The following ZNF185 variants were observed in gnomAD, a reference collection of about 807,000 sequenced individuals.
The protein encoded by ZNF185 is zinc finger protein 185 with LIM domain.
ZNF185 carries 56 observed loss-of-function variants against 58.6 expected under a neutral mutation model. The ratio of observed to expected loss-of-function variants is 0.95; its 90% CI spans 0.77 to 1.19. ZNF185 has a LOEUF of 1.19. ZNF185 is among the 50% of genes most tolerant of loss of function. ZNF185 has a pLI of 0.00. For missense variants in ZNF185, 627 were observed against 573.5 expected, an observed-to-expected ratio of 1.09 and a Z score of -0.95; for synonymous variants, 230 against 215.9, an observed-to-expected ratio of 1.07 and a Z score of -0.57.
intron 15 of ZNF185, among the ~76,000 whole-genome samples, chrX:152,940,441 G>GGGGGTGGGGTTC (rs1241324958): frequency 1.1e-5 from 1 of 87,020 alleles, no homozygotes; most frequent in Admixed American, 1.3e-4. Context: ...GGGTGGGGGT[G>GGGGGTGGGGTTC]GGGTTCCAGG....
chrX:152,942,194 C>T (rs1208994695), intron 15 of ZNF185, among the ~76,000 whole-genome samples: 7 of 112,362 alleles, frequency 6.2e-5, no homozygotes, highest in Non-Finnish European at 5.6e-5. Flanking sequence ...TGGAGCCTTA[C>T]TTTCCCTAGG....
chrX:152,938,724 CCTCACAGTCT>C (rs1376067962), intron 15 of ZNF185, among the ~76,000 whole-genome samples: 1 of 110,746 alleles, frequency 9.0e-6, no homozygotes, highest in Non-Finnish European at 1.9e-5. Flanking sequence ...ATACGGTTCT[CCTCACAGTCT>C]CTCAAAGGTT....
chrX:152,954,362 G>C (rs2048603308), intron 16 of ZNF185, among the ~76,000 whole-genome samples: 1 of 111,445 alleles, frequency 9.0e-6, no homozygotes, highest in Non-Finnish European at 1.9e-5. Context: ...CAGGCCCTGT[G>C]GGGAGGACAG....
chrX:152,946,845 G>T (rs1489005031), intron 16 of ZNF185, among the ~76,000 whole-genome samples: 2 of 111,053 alleles, frequency 1.8e-5, no homozygotes, highest in Non-Finnish European at 3.8e-5. Context: ...GTAGGGGCTG[G>T]GCAGGCACCT....
chrX:152,905,129 G>C, the ZNF185 span, among the ~76,000 whole-genome samples: 4 of 112,986 alleles, frequency 3.5e-5, no homozygotes, highest in African/African-American at 1.3e-4. Flanking sequence ...CCACATCTCT[G>C]ACGGCACCGC....
At chrX:152,939,414 G>C (rs1412537042) in intron 15 of ZNF185, among the ~76,000 whole-genome samples, 1 of 112,138 alleles carries the variant, frequency 8.9e-6, no homozygotes, top group Non-Finnish European at 1.9e-5. Context: ...AAGATTAAGT[G>C]ACTTAGCCAA....
chrX:152,902,699 A>G, the ZNF185 span, among the ~76,000 whole-genome samples: 1 of 111,793 alleles, frequency 8.9e-6, no homozygotes, highest in Admixed American at 9.4e-5. Flanking sequence ...TGCTTGTTGC[A>G]TACATGGCAG....
chrX:152,941,026 G>A lies in ZNF185; in HGVS notation c.1211+2863G>A, dbSNP rs139292471. The stretch of plus-strand genomic sequence containing the variant: ...TTTCACGTTGTGTCCCCTTGGCTGA[G>A]AGAAGTGTCCATTCATTCAGCTGGG... On this transcript the variant is annotated intron_variant, in intron 15 of 22. Coordinates refer to ENST00000449285, the Ensembl canonical transcript of ZNF185. 2.4e-3 allele frequency among the ~76,000 whole-genome samples: 269 copies of A among 112,351 alleles called. 6 individuals carry two copies. The East Asian group carries it at 0.062, about 26-fold the overall frequency.
chrX:152,923,150 C>G (rs1313873282), intron 11 of ZNF185, among the ~76,000 whole-genome samples: 1 of 112,022 alleles, frequency 8.9e-6, no homozygotes, highest in Non-Finnish European at 1.9e-5. Context: ...TCTAGGTCTC[C>G]TAAGAGCTGC....
chrX:152,955,230 GTATT>G lies in ZNF185; in HGVS notation c.1410-4466_1410-4463del, dbSNP rs1299980380. Reference sequence around the variant, plus strand: ...AGAACTATGGAGTCCTTCTCAGGCCGTATTTAATTTGCTTTAACAATTCCCCCTT... The same window carrying G: ...AGAACTATGGAGTCCTTCTCAGGCCGTAATTTGCTTTAACAATTCCCCCTT... On this transcript the variant is annotated intron_variant, in intron 16 of 22. Coordinates refer to ENST00000449285, the Ensembl canonical transcript of ZNF185. 2.7e-5 allele frequency among the ~76,000 whole-genome samples: 3 copies of G among 112,293 alleles called. No individual in the cohort carries two copies. The East Asian group carries it at 8.3e-4, about 31-fold the overall frequency.
exon 22 of ZNF185, chrX:152,970,495 A>G: frequency 3.3e-6 from 4 of 1,209,910 alleles, no homozygotes; most frequent in Non-Finnish European, 4.5e-6. Flanking sequence ...ATCTTCATTC[A>G]CCGTGACACC....
At chrX:152,942,196 T>C (rs1464131465) in intron 15 of ZNF185, among the ~76,000 whole-genome samples, 2 of 112,265 alleles carry the variant, frequency 1.8e-5, no homozygotes, top group Non-Finnish European at 3.8e-5. Context: ...GAGCCTTACT[T>C]TCCCTAGGTT....
intron 15 of ZNF185, among the ~76,000 whole-genome samples, chrX:152,944,738 C>G (rs1289862072): frequency 4.4e-5 from 5 of 112,403 alleles, no homozygotes; most frequent in African/African-American, 1.3e-4. Flanking sequence ...ATGGCACATG[C>G]CTGTAATCCC....
exon 7 of ZNF185, chrX:152,919,051 T>C (rs1287179675): frequency 8.3e-7 from 1 of 1,208,739 alleles, no homozygotes; most frequent in Admixed American, 2.2e-5. Context: ...GAGGAGGTGG[T>C]GCCATTCTCC....
chrX:152,958,224 A>C (rs1247234483), intron 16 of ZNF185, among the ~76,000 whole-genome samples: 1 of 111,635 alleles, frequency 9.0e-6, no homozygotes, highest in Non-Finnish European at 1.9e-5. Context: ...TGTTGATGGT[A>C]AGAAAGGAAG....
intron 17 of ZNF185, among the ~76,000 whole-genome samples, chrX:152,962,398 A>G (rs1319158775): frequency 9.0e-6 from 1 of 110,946 alleles, no homozygotes; most frequent in African/African-American, 3.3e-5. Context: ...GCTCCAGGGA[A>G]TTTCTGTTTT....
At chrX:152,908,989 A>G in the ZNF185 span, among the ~76,000 whole-genome samples, 1 of 113,148 alleles carries the variant, frequency 8.8e-6, no homozygotes, top group Non-Finnish European at 1.9e-5. Context: ...AGAGGACGGC[A>G]TGGTTCTCAT....
At position 152,922,267 on chromosome X, in the gene ZNF185, G is replaced by A. The variant is rs782363010; in HGVS notation, c.740+11G>A. On this transcript the variant is annotated intron_variant, in intron 10 of 22. Transcript: ENST00000449285. ...TCCTGGCTCAAACAGGTAATCCATTGCGCTCATCTCTGCCTGGGGCTGGTG... is the reference window on the plus strand; with the variant it reads ...TCCTGGCTCAAACAGGTAATCCATTACGCTCATCTCTGCCTGGGGCTGGTG... The A allele has an allele frequency of 1.7e-6, 2 of 1,166,618 alleles. No individual in the cohort carries two copies. The highest frequency in any genetic ancestry group is 1.9e-5 in the South Asian group (1 of 52,469).
chrX:152,909,747 A>C (rs1439567560), upstream of ZNF185, among the ~76,000 whole-genome samples: 1 of 112,273 alleles, frequency 8.9e-6, no homozygotes, highest in African/African-American at 3.2e-5. Flanking sequence ...GCGTGGCCCA[A>C]AGCAGTGCAC....
Sources: gnomAD v4.1 joint callset for allele counts (sites outside exome capture counted in the v4.1 genomes callset) on GRCh38, gnomAD v4.1.1 for gene constraint, MANE v1.5 for transcripts, NCBI Gene and HGNC (gene_info 2026-07-23, HGNC 2026-07-21) for gene names.